The following CPT1A variants were observed in gnomAD, a reference collection of about 807,000 sequenced individuals.
The protein encoded by CPT1A is carnitine palmitoyltransferase 1A.
CPT1A carries 64 observed loss-of-function variants against 100.8 expected under a neutral mutation model. The ratio of observed to expected loss-of-function variants is 0.63; its 90% CI spans 0.52 to 0.78. CPT1A has a LOEUF of 0.78. Among genes scored for constraint, CPT1A ranks in the 30% least tolerant of loss-of-function variants. CPT1A has a pLI of 0.00. For synonymous variants in CPT1A, 363 were observed against 396.0 expected (o/e 0.92, Z 0.99); for missense variants, 802 against 1,034.1 (o/e 0.78, Z 3.08).
chr11:68,793,800 A>G (rs1474105382), intron 8 of CPT1A, among the ~76,000 whole-genome samples: 1 of 151,910 alleles, frequency 6.6e-6, no homozygotes, highest in Non-Finnish European at 1.5e-5. Context: ...AGTTAAGACC[A>G]CATGGAAATG....
intron 14 of CPT1A, among the ~76,000 whole-genome samples, chr11:68,771,471 C>T (rs3019593): frequency 0.91 from 138,669 of 152,234 alleles, 63,462 homozygotes; most frequent in Non-Finnish European, 0.95. Flanking sequence ...ATCCAGCTCA[C>T]TGATTCTGAG....
intron 14 of CPT1A, among the ~76,000 whole-genome samples, chr11:68,770,502 G>A (rs571040306): frequency 4.6e-5 from 7 of 152,166 alleles, no homozygotes; most frequent in Admixed American, 1.3e-4. Flanking sequence ...CTTTGAAGCA[G>A]TAGCTAGCTA....
At chr11:68,791,012 T>C (rs1594342372) in intron 9 of CPT1A, among the ~76,000 whole-genome samples, 1 of 152,054 alleles carries the variant, frequency 6.6e-6, no homozygotes, top group East Asian at 1.9e-4. Flanking sequence ...TCAGTAGAGA[T>C]GGGGTTTCAC....
chr11:68,761,090 C>T (rs1010730803), intron 16 of CPT1A, among the ~76,000 whole-genome samples: 1 of 149,622 alleles, frequency 6.7e-6, no homozygotes. Context: ...CAGTGGTGCA[C>T]ATCAGCTACT....
intron 1 of CPT1A, among the ~76,000 whole-genome samples, chr11:68,840,109 A>T (rs1857122373): frequency 6.6e-6 from 1 of 152,252 alleles, no homozygotes; most frequent in Admixed American, 6.5e-5. Flanking sequence ...AAAGCAGTCC[A>T]CAGGCTCTTG....
rs528519032 is a variant in CPT1A at position 68,841,792 on chromosome 11, T to TGCGGCA, written c.-37_-32dup. 1.5e-3 allele frequency: 1,465 copies of TGCGGCA among 996,662 alleles called. 16 individuals carry two copies. The African/African-American group carries it at 0.021, about 14-fold the overall frequency. 61.7% of individuals were successfully genotyped at this position (996,662 alleles called of 1,614,324 possible). Reference sequence around the variant, plus strand: ...GGCCTCACCGAGTCAGCTACGGAGGTGCGGCAGCGGCAGCGGCAGCGGCGG... The same window carrying TGCGGCA: ...GGCCTCACCGAGTCAGCTACGGAGGTGCGGCAGCGGCAGCGGCAGCGGCAGCGGCGG... On this transcript the variant is annotated 5_prime_UTR_variant, in exon 1 of 19. Transcript: ENST00000265641. This position sits in a 1 kb window ranked among gnomAD's most constrained non-coding sequence, Gnocchi z 6.3.
chr11:68,778,178 T>TAA (rs1359021804), intron 12 of CPT1A, among the ~76,000 whole-genome samples: 3 of 151,892 alleles, frequency 2.0e-5, no homozygotes, highest in Non-Finnish European at 4.4e-5. Context: ...CAACCAGAAG[T>TAA]AAGACAATTA....
At chr11:68,809,621 C>T (rs932332242) in intron 3 of CPT1A, among the ~76,000 whole-genome samples, 1 of 152,122 alleles carries the variant, frequency 6.6e-6, no homozygotes, top group African/African-American at 2.4e-5. Context: ...GCCACCGCAC[C>T]CAGCCTGACT....
At chr11:68,811,357 C>A (rs952124626) in intron 3 of CPT1A, among the ~76,000 whole-genome samples, 2 of 152,160 alleles carry the variant, frequency 1.3e-5, no homozygotes, top group African/African-American at 4.8e-5. Flanking sequence ...AAACGTCTGG[C>A]ACGGGGCAGC....
chr11:68,841,730 AG>A lies in CPT1A; in HGVS notation c.-14+44del. 2 of 930,182 alleles carry A rather than the reference AG, an allele frequency of 2.2e-6. No individual in the cohort carries two copies. Among genetic ancestry groups the A allele is most frequent in the African/African-American group, 1.8e-5 (1 of 56,004 alleles). The allele number at this position is 930,182 out of a possible 1,614,324, so 57.6% of individuals were successfully genotyped here. The stretch of plus-strand genomic sequence containing the variant: ...CCCGTCCCCGGCCCCCGCAGCCCGC[AG>A]GGCCGCCCCGCCACCCTCCCCACCG... On this transcript the variant is annotated intron_variant, in intron 1 of 18. Transcript: ENST00000265641. The surrounding 1 kb of genome is among the most constrained non-coding windows in gnomAD (Gnocchi z 6.3).
Position 68,762,776 on chromosome 11 carries a change from G to A in CPT1A, c.1741-15C>T, listed in dbSNP as rs754694654. The A allele has an allele frequency of 2.2e-5, 35 of 1,613,860 alleles. No homozygotes were observed. Among genetic ancestry groups the A allele is most frequent in the Non-Finnish European group, 2.8e-5 (33 of 1,180,042 alleles). On this transcript the variant is annotated splice_polypyrimidine_tract_variant and intron_variant, in intron 14 of 18. Coordinates refer to ENST00000265641, the MANE Select transcript of CPT1A (RefSeq NM_001876.4). ...TTGCCCATGTCCTGGGGAAAGAGAA[G>A]TACTTCAGTGCACGGCAGGGCATGC...
chr11:68,799,202 G>A lies in CPT1A; in HGVS notation c.693+16C>T. 2.5e-6 allele frequency: 4 copies of A among 1,609,408 alleles called. No homozygotes were observed. Among genetic ancestry groups the A allele is most frequent in the Non-Finnish European group, 3.4e-6 (4 of 1,176,242 alleles). On this transcript the variant is annotated intron_variant, in intron 6 of 18. Transcript: ENST00000265641. Reference sequence around the variant, plus strand: ...CGGAAAAATTTCATCAAGAAAAACTGTGTATACAGACTTACGTAATTTGTA... The same window carrying A: ...CGGAAAAATTTCATCAAGAAAAACTATGTATACAGACTTACGTAATTTGTA...
In CPT1A at chr11:68,815,590, G is replaced by A. The variant is rs1856363885; in HGVS notation, c.-13-103C>T. 6.2e-6 allele frequency: 7 copies of A among 1,129,878 alleles called. 1 individual carries two copies. Among genetic ancestry groups the A allele is most frequent in the South Asian group, 1.3e-5 (1 of 77,436 alleles). The allele number at this position is 1,129,878 out of a possible 1,614,324, so 70.0% of individuals were successfully genotyped here. Reference sequence around the variant, plus strand: ...TCCTTCTGAACTTAAGTTCTTCCTCGCCACTTAACAGATTTAATACTTTTC... The same window carrying A: ...TCCTTCTGAACTTAAGTTCTTCCTCACCACTTAACAGATTTAATACTTTTC... On this transcript the variant is annotated intron_variant, in intron 1 of 18. Transcript: ENST00000265641.
intron 14 of CPT1A, among the ~76,000 whole-genome samples, chr11:68,763,483 G>A (rs556362934): frequency 4.3e-4 from 65 of 152,158 alleles, no homozygotes; most frequent in African/African-American, 1.5e-3. Flanking sequence ...TGGTGAGAAT[G>A]ATCTGGGAGA....
At chr11:68,807,695 A>G (rs1342838132) in intron 3 of CPT1A, 57 bp from the exon 4 acceptor site, 5 of 1,562,928 alleles carry the variant, frequency 3.2e-6, no homozygotes, top group Non-Finnish European at 4.4e-6. Context: ...GGTGCCACCA[A>G]CACCACCGGT....
chr11:68,801,219 G>A (rs546855588), intron 5 of CPT1A, among the ~76,000 whole-genome samples: 59 of 152,276 alleles, frequency 3.9e-4, no homozygotes, highest in South Asian at 1.4e-3. Flanking sequence ...GTGGAACCCC[G>A]AGCTACGCAA....
chr11:68,760,141 C>T, intron 17 of CPT1A, 84 bp downstream of exon 17: 1 of 949,908 alleles, frequency 1.1e-6, no homozygotes, highest in Non-Finnish European at 1.7e-6. Context: ...CGGGGGCACC[C>T]AGCACGGAGA....
intron 3 of CPT1A, among the ~76,000 whole-genome samples, 157 bp from the exon 4 acceptor site, chr11:68,807,795 G>A (rs1458959647): frequency 6.6e-6 from 1 of 152,212 alleles, no homozygotes; most frequent in Non-Finnish European, 1.5e-5. Context: ...CAGGAACTGA[G>A]CTCTTAAAAC....
At chr11:68,793,842 T>C (rs1253319074) in intron 8 of CPT1A, among the ~76,000 whole-genome samples, 1 of 152,184 alleles carries the variant, frequency 6.6e-6, no homozygotes, top group African/African-American at 2.4e-5. Flanking sequence ...ATTGCTTCGT[T>C]TGACTTCCTC....
Sources: allele counts gnomAD v4.1 joint callset (sites outside exome capture counted in the v4.1 genomes callset), GRCh38; gene constraint gnomAD v4.1.1; non-coding constraint Gnocchi (gnomAD v3.1); transcripts MANE v1.5; gene names NCBI Gene and HGNC (gene_info 2026-07-23, HGNC 2026-07-21).